Variants in GSK3B observed in about 807,000 individuals in gnomAD.
GSK3B encodes the protein glycogen synthase kinase-3 beta.
GSK3B carries 15 observed loss-of-function variants against 56.4 expected under a neutral mutation model. That is an observed-to-expected ratio of 0.27 (90% CI 0.18 to 0.41). The LOEUF (loss-of-function observed/expected upper bound fraction) is 0.41. GSK3B is among the 10% of genes least tolerant of loss of function. GSK3B has a pLI of 1.00. For synonymous variants in GSK3B, 181 were observed against 188.9 expected (o/e 0.96, Z 0.34); for missense variants, 300 against 513.4 (o/e 0.58, Z 4.02).
intron 2 of GSK3B, among the ~76,000 whole-genome samples, chr3:119,984,668 G>A (rs1021824806): frequency 1.3e-5 from 2 of 152,116 alleles, no homozygotes; most frequent in Admixed American, 1.3e-4. Context: ...AAACCAGGAA[G>A]AAGTTGAATC....
At chr3:119,882,158 T>G (rs540484222) in intron 7 of GSK3B, among the ~76,000 whole-genome samples, 37 of 152,040 alleles carry the variant, frequency 2.4e-4, no homozygotes, top group African/African-American at 8.4e-4. Context: ...AATTCTTGTT[T>G]TTTTTTTTTA....
At position 120,094,103 on chromosome 3, in the gene GSK3B, G is replaced by C; in HGVS notation, c.-669C>G. The C allele has an allele frequency of 4.3e-6, 1 of 230,552 alleles. No homozygotes were observed. The highest frequency in any genetic ancestry group is 8.6e-6 in the Non-Finnish European group (1 of 116,050). The allele number at this position is 230,552 out of a possible 1,614,324, so 14.3% of individuals were successfully genotyped here. On this transcript the variant is annotated 5_prime_UTR_variant, in exon 1 of 11. In the 5' UTR this introduces an upstream ATG that the reference lacks. Coordinates refer to ENST00000264235, the MANE Select transcript of GSK3B (RefSeq NM_001146156.2). ...CAGGAGCAGCTGCAGGCGGCGGCTGGATCCAGCGGCCATGGCGGTGGCGGA... is the reference window on the plus strand; with the variant it reads ...CAGGAGCAGCTGCAGGCGGCGGCTGCATCCAGCGGCCATGGCGGTGGCGGA...
intron 7 of GSK3B, among the ~76,000 whole-genome samples, chr3:119,895,313 T>A (rs1307826758): frequency 6.6e-6 from 1 of 152,146 alleles, no homozygotes; most frequent in Non-Finnish European, 1.5e-5. Context: ...TATACCATAT[T>A]TTTCCTTCCG....
chr3:119,911,562 A>G (rs2056735001), intron 6 of GSK3B, among the ~76,000 whole-genome samples: 1 of 152,170 alleles, frequency 6.6e-6, no homozygotes, highest in South Asian at 2.1e-4. Context: ...GAAAATCTAG[A>G]GATGAAAGTC....
intron 7 of GSK3B, among the ~76,000 whole-genome samples, chr3:119,892,684 GA>G (rs2056516818): frequency 6.6e-6 from 1 of 152,142 alleles, no homozygotes. Context: ...TATGCACCTT[GA>G]AAGACTAAAG....
At chr3:119,848,498 T>C (rs2055886428) in intron 9 of GSK3B, among the ~76,000 whole-genome samples, 1 of 152,182 alleles carries the variant, frequency 6.6e-6, no homozygotes, top group African/African-American at 2.4e-5. Flanking sequence ...ATTCAGCATC[T>C]AGTACATTCG....
At chr3:119,850,170 G>T (rs137936025) in intron 9 of GSK3B, among the ~76,000 whole-genome samples, 111 of 152,184 alleles carry the variant, frequency 7.3e-4, no homozygotes, top group African/African-American at 2.6e-3. Context: ...ACAAGAAATA[G>T]AAAAGATTTG....
chr3:120,042,747 T>G (rs1428457655), intron 1 of GSK3B, among the ~76,000 whole-genome samples: 1 of 152,122 alleles, frequency 6.6e-6, no homozygotes, highest in African/African-American at 2.4e-5. Flanking sequence ...CCCTAAACAT[T>G]AAATGAAAAT....
chr3:119,901,516 G>A (rs1021405067), intron 7 of GSK3B, among the ~76,000 whole-genome samples: 1 of 152,072 alleles, frequency 6.6e-6, no homozygotes, highest in Non-Finnish European at 1.5e-5. Context: ...CCTTATTAGA[G>A]GGCAGTGAGG....
chr3:120,053,933 T>C (rs1339221808), intron 1 of GSK3B, among the ~76,000 whole-genome samples: 1 of 152,200 alleles, frequency 6.6e-6, no homozygotes, highest in African/African-American at 2.4e-5. Context: ...CTGTATGAAG[T>C]ATCCAGTCTC....
At chr3:119,919,518 AG>A (rs2056816000) in intron 4 of GSK3B, among the ~76,000 whole-genome samples, 2 of 148,048 alleles carry the variant, frequency 1.4e-5, no homozygotes, top group African/African-American at 2.6e-5. Flanking sequence ...TGGTTACATA[AG>A]AAAAAAAAAA....
At chr3:120,056,979 C>A (rs1250632003) in intron 1 of GSK3B, among the ~76,000 whole-genome samples, 1 of 152,020 alleles carries the variant, frequency 6.6e-6, no homozygotes, top group East Asian at 1.9e-4. Flanking sequence ...CTTGTCTCTA[C>A]TAAAAAAATA....
intron 7 of GSK3B, among the ~76,000 whole-genome samples, chr3:119,899,780 G>C (rs1258726816): frequency 6.6e-6 from 1 of 151,976 alleles, no homozygotes; most frequent in African/African-American, 2.4e-5. Context: ...ACATCACATA[G>C]TAGTAAAAAG....
chr3:119,872,333 C>G (rs1317713394), intron 8 of GSK3B, among the ~76,000 whole-genome samples: 1 of 152,132 alleles, frequency 6.6e-6, no homozygotes, highest in Non-Finnish European at 1.5e-5. Context: ...ACTAAATAAT[C>G]TGCCACCCAA....
At chr3:120,057,834 T>C (rs1023493450) in intron 1 of GSK3B, among the ~76,000 whole-genome samples, 3 of 152,052 alleles carry the variant, frequency 2.0e-5, no homozygotes, top group African/African-American at 7.2e-5. Flanking sequence ...CCCAAAACCA[T>C]GAAAACACCA....
intron 1 of GSK3B, among the ~76,000 whole-genome samples, chr3:120,021,826 T>C (rs2057880659): frequency 6.6e-6 from 1 of 152,122 alleles, no homozygotes; most frequent in South Asian, 2.1e-4. Context: ...GAACAAAGGA[T>C]TTAGGATATA....
chr3:119,902,400 ATTAT>A (rs779141555), intron 7 of GSK3B, among the ~76,000 whole-genome samples: 1 of 151,770 alleles, frequency 6.6e-6, no homozygotes, highest in Non-Finnish European at 1.5e-5. Flanking sequence ...TTTGATATTT[ATTAT>A]TTATTTATTT....
At chr3:119,941,705 G>A (rs1358471218) in intron 3 of GSK3B, among the ~76,000 whole-genome samples, 1 of 152,146 alleles carries the variant, frequency 6.6e-6, no homozygotes, top group African/African-American at 2.4e-5. Context: ...GTAAATTAAT[G>A]TTTATTAAGT....
intron 2 of GSK3B, among the ~76,000 whole-genome samples, chr3:120,000,686 CAT>C (rs2057666907): frequency 6.6e-6 from 1 of 151,868 alleles, no homozygotes; most frequent in African/African-American, 2.4e-5. Flanking sequence ...TATACCACAA[CAT>C]AGAGATGACA....
Sources: gnomAD v4.1 joint callset for allele counts (sites outside exome capture counted in the v4.1 genomes callset) on GRCh38, gnomAD v4.1.1 for gene constraint, MANE v1.5 for transcripts, NCBI Gene and HGNC (gene_info 2026-07-23, HGNC 2026-07-21) for gene names.